Variants in FAM78B observed in about 807,000 individuals in gnomAD.
FAM78B encodes the protein family with sequence similarity 78 member B.
A neutral mutation model predicts 20.0 loss-of-function variants in FAM78B; 10 were observed. The observed-to-expected ratio is 0.50, with a 90% CI of 0.31 to 0.85. The LOEUF (loss-of-function observed/expected upper bound fraction) is 0.85. Among genes scored for constraint, FAM78B ranks in the 40% least tolerant of loss-of-function variants. The pLI is 0.05. For synonymous variants in FAM78B, 135 were observed against 132.8 expected (o/e 1.02, Z -0.12); for missense variants, 283 against 345.0 (o/e 0.82, Z 1.42).
intron 1 of FAM78B, among the ~76,000 whole-genome samples, chr1:166,156,658 G>A (rs1056999519): frequency 6.6e-6 from 1 of 152,150 alleles, no homozygotes; most frequent in African/African-American, 2.4e-5. Flanking sequence ...ATCATGAAAG[G>A]GACCTGCAAA....
At chr1:166,060,410 C>T in exon 3 of FAM78B, 1 of 390,164 alleles carries the variant, frequency 2.6e-6, no homozygotes, top group South Asian at 1.9e-5. Context: ...CACTTTAACA[C>T]AGCTCCCCAT....
intron 1 of FAM78B, among the ~76,000 whole-genome samples, chr1:166,135,062 C>T (rs1655020257): frequency 6.6e-6 from 1 of 151,976 alleles, no homozygotes; most frequent in African/African-American, 2.4e-5. Flanking sequence ...ACTATGCAAA[C>T]ACATTAATTA....
downstream of FAM78B, among the ~76,000 whole-genome samples, chr1:166,068,690 CCTCT>C (rs919072414): frequency 2.6e-5 from 4 of 152,168 alleles, no homozygotes; most frequent in Non-Finnish European, 2.9e-5. Context: ...CAAATTTCTC[CCTCT>C]GAAATTAAGC....
At chr1:166,136,957 A>G (rs1384556786) in intron 1 of FAM78B, among the ~76,000 whole-genome samples, 3 of 152,180 alleles carry the variant, frequency 2.0e-5, no homozygotes, top group African/African-American at 4.8e-5. Flanking sequence ...CTATCATGTG[A>G]GGTAGGTGTT....
intron 1 of FAM78B, among the ~76,000 whole-genome samples, chr1:166,092,770 CTAGT>C (rs1383826613): frequency 6.6e-6 from 1 of 152,188 alleles, no homozygotes; most frequent in South Asian, 2.1e-4. Flanking sequence ...TGACATCTGT[CTAGT>C]TAGTTATTTT....
Position 166,161,834 on chromosome 1 carries a change from C to T in FAM78B, c.263+4152G>A, listed in dbSNP as rs1043165491. The stretch of plus-strand genomic sequence containing the variant: ...GGAGCTATAGTGGGGATCGAGAGTT[C>T]GGGTCTGGATACCCTAAGCTTGAGA... On this transcript the variant is annotated intron_variant, in intron 1 of 1. Coordinates refer to ENST00000354422, the MANE Select transcript of FAM78B (RefSeq NM_001017961.5). Among the ~76,000 whole-genome samples, 4 of 152,056 alleles carry T rather than the reference C, an allele frequency of 2.6e-5. No individual in the cohort carries two copies. In the East Asian group the frequency reaches 7.7e-4, roughly 29 times the overall value.
chr1:166,122,570 G>A (rs1460865377), intron 1 of FAM78B, among the ~76,000 whole-genome samples: 1 of 152,162 alleles, frequency 6.6e-6, no homozygotes, highest in Non-Finnish European at 1.5e-5. Context: ...ACTCACAAAT[G>A]CTTAAAGAAA....
At chr1:166,074,321 C>T (rs1197922408) in intron 1 of FAM78B, among the ~76,000 whole-genome samples, 1 of 152,206 alleles carries the variant, frequency 6.6e-6, no homozygotes, top group Non-Finnish European at 1.5e-5. Flanking sequence ...TATCGAACTA[C>T]TACTCATCCT....
chr1:166,094,626 T>C (rs960934124), intron 1 of FAM78B, among the ~76,000 whole-genome samples: 1 of 152,226 alleles, frequency 6.6e-6, no homozygotes, highest in Non-Finnish European at 1.5e-5. Flanking sequence ...GAGTGCCCTA[T>C]AGATGTGGAG....
At chr1:166,066,642 C>A (rs192571171), downstream of FAM78B, among the ~76,000 whole-genome samples, 1 of 152,172 alleles carries the variant, frequency 6.6e-6, no homozygotes, top group Non-Finnish European at 1.5e-5. Context: ...GTATTACACT[C>A]GTAAGACTGG....
At chr1:166,094,845 T>C (rs1004574232) in intron 1 of FAM78B, among the ~76,000 whole-genome samples, 3 of 152,270 alleles carry the variant, frequency 2.0e-5, no homozygotes, top group African/African-American at 7.2e-5. Flanking sequence ...CTTACTGAGG[T>C]TTATACACCT....
At chr1:166,125,689 C>CA (rs1246995555) in intron 1 of FAM78B, among the ~76,000 whole-genome samples, 1 of 152,298 alleles carries the variant, frequency 6.6e-6, no homozygotes, top group East Asian at 1.9e-4. Context: ...ACAGTATCTG[C>CA]ATATAACCTA....
At chr1:166,135,202 G>T (rs1425444005) in intron 1 of FAM78B, among the ~76,000 whole-genome samples, 2 of 152,138 alleles carry the variant, frequency 1.3e-5, no homozygotes, top group African/African-American at 2.4e-5. Context: ...TATCAACACG[G>T]CTTATAACTG....
downstream of FAM78B, among the ~76,000 whole-genome samples, chr1:166,056,248 C>T (rs531268170): frequency 5.9e-5 from 9 of 152,142 alleles, no homozygotes; most frequent in East Asian, 1.7e-3. Flanking sequence ...GGTCTCCTTG[C>T]TCTCCCTCTT....
intron 1 of FAM78B, among the ~76,000 whole-genome samples, chr1:166,071,719 T>C (rs1038036063): frequency 2.0e-5 from 3 of 152,226 alleles, no homozygotes; most frequent in African/African-American, 7.2e-5. Context: ...GGCTTAAAGA[T>C]GTTAAGGTAC....
At chr1:166,115,221 G>A (rs1350149876) in intron 1 of FAM78B, among the ~76,000 whole-genome samples, 4 of 152,186 alleles carry the variant, frequency 2.6e-5, no homozygotes, top group Non-Finnish European at 4.4e-5. Flanking sequence ...AGAAAGAGAC[G>A]ATACACAAAC....
chr1:166,125,285 CT>C (rs1178862658), intron 1 of FAM78B, among the ~76,000 whole-genome samples: 9 of 152,290 alleles, frequency 5.9e-5, no homozygotes, highest in Non-Finnish European at 1.0e-4. Flanking sequence ...TGGATGCCCC[CT>C]GACTCGGTTT....
At chr1:166,097,294 C>A (rs1337244172) in intron 1 of FAM78B, among the ~76,000 whole-genome samples, 1 of 152,178 alleles carries the variant, frequency 6.6e-6, no homozygotes, top group East Asian at 1.9e-4. Flanking sequence ...GGGTAAAACT[C>A]CACAGGGGGA....
intron 1 of FAM78B, among the ~76,000 whole-genome samples, chr1:166,152,988 C>G (rs1478964794): frequency 1.3e-5 from 2 of 152,186 alleles, no homozygotes; most frequent in Non-Finnish European, 2.9e-5. Flanking sequence ...CTGGTTTTAA[C>G]TGTTCCCAGC....
Sources: gnomAD v4.1 joint callset for allele counts (sites outside exome capture counted in the v4.1 genomes callset) on GRCh38, gnomAD v4.1.1 for gene constraint, MANE v1.5 for transcripts, NCBI Gene and HGNC (gene_info 2026-07-23, HGNC 2026-07-21) for gene names.